Variants in SCN1A observed in about 807,000 individuals in gnomAD.
SCN1A encodes sodium voltage-gated channel alpha subunit 1.
SCN1A carries 13 observed loss-of-function variants against 193.7 expected under a neutral mutation model. That is an observed-to-expected ratio of 0.07 (90% CI 0.04 to 0.11). The LOEUF (loss-of-function observed/expected upper bound fraction) is 0.11. Among genes scored for constraint, SCN1A ranks in the 10% least tolerant of loss-of-function variants. The pLI, the probability that SCN1A is intolerant of heterozygous loss-of-function variation, is 1.00. For synonymous variants in SCN1A, 781 were observed against 843.6 expected, an observed-to-expected ratio of 0.93 and a Z score of 1.29; for missense variants, 1,432 against 2,451.1, an observed-to-expected ratio of 0.58 and a Z score of 8.78.
At chr2:166,003,063 C>T (rs1215129357) in intron 23 of SCN1A, among the ~76,000 whole-genome samples, 1 of 79,584 alleles carries the variant, frequency 1.3e-5, no homozygotes, top group African/African-American at 8.2e-5. Flanking sequence ...CAGATGAAGT[C>T]AGAATTGTGT....
At chr2:166,044,434 T>C (rs1378569302) in intron 13 of SCN1A, among the ~76,000 whole-genome samples, 1 of 152,188 alleles carries the variant, frequency 6.6e-6, no homozygotes, top group African/African-American at 2.4e-5. Flanking sequence ...CCTTGGTTTT[T>C]ATGGATCTTG....
intron 21 of SCN1A, among the ~76,000 whole-genome samples, chr2:166,012,769 T>A (rs1407762732): frequency 6.7e-6 from 1 of 150,056 alleles, no homozygotes; most frequent in African/African-American, 2.4e-5. Flanking sequence ...TGTTTGTTAT[T>A]TTTTTAATAA....
At chr2:166,024,749 A>C (rs1042630684) in intron 19 of SCN1A, among the ~76,000 whole-genome samples, 1 of 151,986 alleles carries the variant, frequency 6.6e-6, no homozygotes, top group African/African-American at 2.4e-5. Context: ...TGCAGCCTCT[A>C]CCTCCCAGGT....
intron 19 of SCN1A, among the ~76,000 whole-genome samples, chr2:166,028,920 A>G (rs1475355162): frequency 2.0e-5 from 3 of 152,268 alleles, no homozygotes; most frequent in Admixed American, 2.0e-4. Flanking sequence ...ACCTAGCTCA[A>G]TCTAGGAAGG....
At chr2:166,099,230 C>T (rs1048069747) in intron 2 of SCN1A, among the ~76,000 whole-genome samples, 9 of 151,732 alleles carry the variant, frequency 5.9e-5, no homozygotes, top group Admixed American at 1.3e-4. Flanking sequence ...TAAATGTAAT[C>T]CAGCATATAA....
chr2:166,098,172 T>C (rs764566163), intron 2 of SCN1A, among the ~76,000 whole-genome samples: 46 of 152,188 alleles, frequency 3.0e-4, no homozygotes, highest in Non-Finnish European at 5.9e-4. Flanking sequence ...TAATCCACCA[T>C]GATCAAGTAG....
At chr2:166,126,314 T>C (rs900451495) in intron 2 of SCN1A, 3 of 152,154 alleles carry the variant, frequency 2.0e-5, no homozygotes, top group African/African-American at 7.2e-5. Context: ...TTCATTGCAA[T>C]TACAAAAGCA....
chr2:166,027,064 A>G (rs1275033944), intron 19 of SCN1A: 1 of 152,218 alleles, frequency 6.6e-6, no homozygotes, highest in Non-Finnish European at 1.5e-5. Flanking sequence ...GAATCTTAAT[A>G]GCTAAATTAT....
At position 166,105,808 on chromosome 2, in the gene SCN1A, C is replaced by G. The variant is rs886313066; in HGVS notation, c.-142+21116G>C. ...TAGCATCAAGAAATTGTCTTTACCCCTATAAACTGAAGCATTTGAAAATCA... is the reference window on the plus strand; with the variant it reads ...TAGCATCAAGAAATTGTCTTTACCCGTATAAACTGAAGCATTTGAAAATCA... On this transcript the variant is annotated intron_variant, in intron 2 of 28. Coordinates refer to ENST00000674923, the MANE Select transcript of SCN1A (RefSeq NM_001165963.4). Among the ~76,000 whole-genome samples the G allele has an allele frequency of 9.9e-5, 15 of 152,176 alleles. No individual in the cohort carries two copies. In the East Asian group the frequency reaches 2.7e-3, roughly 27 times the overall value.
intron 4 of SCN1A, among the ~76,000 whole-genome samples, chr2:166,071,459 A>C (rs1320378329): frequency 6.6e-6 from 1 of 152,142 alleles, no homozygotes; most frequent in African/African-American, 2.4e-5. Context: ...AAATGAATAG[A>C]TCAGTTTTTA....
At chr2:166,124,765 G>T (rs1410132265) in intron 2 of SCN1A, among the ~76,000 whole-genome samples, 1 of 152,182 alleles carries the variant, frequency 6.6e-6, no homozygotes, top group African/African-American at 2.4e-5. Flanking sequence ...CATGGCCACG[G>T]TGTGGCTGGA....
At position 166,054,788 on chromosome 2, in the gene SCN1A, ATTTGATAAAG is replaced by A. The variant is rs763277646; in HGVS notation, c.474-32_474-23del. 6 of 1,607,066 alleles carry A rather than the reference ATTTGATAAAG, an allele frequency of 3.7e-6. No homozygotes were observed. The highest frequency in any genetic ancestry group is 1.8e-4 in the Middle Eastern group (1 of 5,580). ...GTATCTGAAAACAAGCATCCAAAAA[ATTTGATAAAG>A]TAACAGTGTTTTTTCATAGCATACC... On this transcript the variant is annotated intron_variant, in intron 6 of 28. Coordinates refer to ENST00000674923, the MANE Select transcript of SCN1A (RefSeq NM_001165963.4).
At chr2:166,060,739 G>A in intron 4 of SCN1A, 1 of 152,314 alleles carries the variant, frequency 6.6e-6, no homozygotes, top group Non-Finnish European at 1.5e-5. Flanking sequence ...GTGGGTCCCT[G>A]TAATCCCAGT....
chr2:166,144,328 G>A (rs1692215894), intron 1 of SCN1A, among the ~76,000 whole-genome samples: 1 of 152,130 alleles, frequency 6.6e-6, no homozygotes, highest in African/African-American at 2.4e-5. Flanking sequence ...AGTTGGCTGG[G>A]TCATCAGTGT....
intron 1 of SCN1A, among the ~76,000 whole-genome samples, chr2:166,133,566 T>C (rs1449450488): frequency 1.3e-5 from 2 of 152,182 alleles, no homozygotes; most frequent in African/African-American, 4.8e-5. Context: ...TCTGATTATA[T>C]CACCAACTGA....
intron 2 of SCN1A, among the ~76,000 whole-genome samples, chr2:166,117,771 C>T (rs556371242): frequency 5.3e-5 from 8 of 152,096 alleles, no homozygotes; most frequent in Admixed American, 3.3e-4. Context: ...CCAAGGCAGG[C>T]GGATCACGAG....
At chr2:166,045,448 A>T in intron 12 of SCN1A, 121 bp from the exon 13 acceptor site, 1 of 1,144,584 alleles carries the variant, frequency 8.7e-7, no homozygotes, top group Non-Finnish European at 1.3e-6. Flanking sequence ...ATCATCTCAC[A>T]GAGAAGATTC....
chr2:166,033,816 T>C (rs951746119), intron 19 of SCN1A, among the ~76,000 whole-genome samples: 9 of 151,812 alleles, frequency 5.9e-5, no homozygotes, highest in Middle Eastern at 3.4e-3. Flanking sequence ...TTATGGATGG[T>C]CTTTGTAAAA....
chr2:165,995,071 T>C (rs113067958), intron 27 of SCN1A, among the ~76,000 whole-genome samples: 220 of 152,010 alleles, frequency 1.4e-3, no homozygotes, highest in African/African-American at 5.1e-3. Context: ...TTGTCGTTGA[T>C]CTGTGATTCT....
Sources: gnomAD v4.1 joint callset for allele counts (sites outside exome capture counted in the v4.1 genomes callset) on GRCh38, gnomAD v4.1.1 for gene constraint, MANE v1.5 for transcripts, NCBI Gene and HGNC (gene_info 2026-07-23, HGNC 2026-07-21) for gene names.